The following AFG1L variants were observed in gnomAD, a reference collection of about 807,000 sequenced individuals.
AFG1L encodes AFG1 like ATPase, also known as AFG1-like ATPase.
A neutral mutation model predicts 62.2 loss-of-function variants in AFG1L; 53 were observed. That is an observed-to-expected ratio of 0.85 (90% CI 0.68 to 1.07). The LOEUF (loss-of-function observed/expected upper bound fraction) is 1.07, where lower values mean the gene tolerates loss of function less well. Among genes scored for constraint, AFG1L ranks in the 50% least tolerant of loss-of-function variants. AFG1L has a pLI of 0.00. For synonymous variants in AFG1L, 228 were observed against 210.3 expected, an observed-to-expected ratio of 1.08 and a Z score of -0.73; for missense variants, 555 against 590.5, an observed-to-expected ratio of 0.94 and a Z score of 0.62.
intron 1 of AFG1L, among the ~76,000 whole-genome samples, chr6:108,296,570 TAGA>T (rs1043629329): frequency 6.6e-6 from 1 of 152,322 alleles, no homozygotes; most frequent in East Asian, 1.9e-4. Context: ...ATTAAAAAAA[TAGA>T]AGTAGTAACA....
intron 6 of AFG1L, among the ~76,000 whole-genome samples, chr6:108,371,311 T>C (rs1779993043): frequency 6.6e-6 from 1 of 152,138 alleles, no homozygotes; most frequent in Non-Finnish European, 1.5e-5. Context: ...GTGTAATGGC[T>C]CATGCTTACA....
chr6:108,340,729 G>T (rs1778650179), intron 2 of AFG1L, among the ~76,000 whole-genome samples: 2 of 152,114 alleles, frequency 1.3e-5, no homozygotes, highest in African/African-American at 2.4e-5. Context: ...GGTAGATGGG[G>T]TATAAAATCA....
intron 6 of AFG1L, among the ~76,000 whole-genome samples, chr6:108,389,132 T>C (rs1486749630): frequency 6.6e-6 from 1 of 152,240 alleles, no homozygotes; most frequent in Admixed American, 6.5e-5. Context: ...CATTATGTAA[T>C]GGCCTTCTTT....
intron 6 of AFG1L, among the ~76,000 whole-genome samples, chr6:108,383,683 A>G (rs1294643686): frequency 6.6e-6 from 1 of 152,192 alleles, no homozygotes; most frequent in African/African-American, 2.4e-5. Context: ...GGGAGAGTTT[A>G]CAGATCTTGA....
At chr6:108,295,544 C>T (rs1022429587) in intron 1 of AFG1L, among the ~76,000 whole-genome samples, 1 of 152,042 alleles carries the variant, frequency 6.6e-6, no homozygotes, top group Admixed American at 6.6e-5. Context: ...CTGGGGACCC[C>T]TACCCTCTGC....
At chr6:108,513,285 G>A (rs1045629129) in intron 11 of AFG1L, among the ~76,000 whole-genome samples, 4 of 152,194 alleles carry the variant, frequency 2.6e-5, no homozygotes, top group South Asian at 2.1e-4. Context: ...TGGGTGCAGC[G>A]CACCGAGCAT....
chr6:108,369,691 C>T (rs572805670), intron 6 of AFG1L, among the ~76,000 whole-genome samples: 5 of 152,152 alleles, frequency 3.3e-5, no homozygotes, highest in South Asian at 2.1e-4. Flanking sequence ...TAACTGCAAC[C>T]TCTGCCTCCT....
Position 108,319,399 on chromosome 6 carries a change from A to G in AFG1L, c.140-4426A>G, listed in dbSNP as rs534745462. Among the ~76,000 whole-genome samples, 346 of 151,946 alleles carry G rather than the reference A, an allele frequency of 2.3e-3. 3 individuals carry two copies. The highest frequency in any genetic ancestry group is 8.0e-3 in the African/African-American group (330 of 41,430). ...ATAGTTCCTAGTAGTAGTAATCCCT[A>G]TAGGACTAGAGGCATATACCATTAT... On this transcript the variant is annotated intron_variant, in intron 1 of 12. Transcript: ENST00000368977.
intron 7 of AFG1L, among the ~76,000 whole-genome samples, chr6:108,427,670 C>T (rs1027169365): frequency 3.9e-5 from 6 of 151,934 alleles, no homozygotes; most frequent in African/African-American, 9.6e-5. Flanking sequence ...TACAGGTGAA[C>T]GCCACCATAC....
chr6:108,497,168 G>A (rs1774001898), intron 10 of AFG1L, among the ~76,000 whole-genome samples: 1 of 152,058 alleles, frequency 6.6e-6, no homozygotes, highest in Admixed American at 6.6e-5. Flanking sequence ...CCATCAAACT[G>A]TTTTCAGGAA....
chr6:108,383,571 A>G (rs1780637268), intron 6 of AFG1L, among the ~76,000 whole-genome samples: 1 of 152,164 alleles, frequency 6.6e-6, no homozygotes, highest in Non-Finnish European at 1.5e-5. Flanking sequence ...ATGTAGGAAA[A>G]CTAACATAAG....
chr6:108,302,481 C>T (rs774656617), intron 1 of AFG1L, among the ~76,000 whole-genome samples: 18 of 151,064 alleles, frequency 1.2e-4, no homozygotes, highest in African/African-American at 3.9e-4. Flanking sequence ...TTTTTAAAGC[C>T]GAGCCCAGCC....
At chr6:108,449,193 A>G (rs1771947372) in intron 8 of AFG1L, among the ~76,000 whole-genome samples, 1 of 151,464 alleles carries the variant, frequency 6.6e-6, no homozygotes, top group Admixed American at 6.6e-5. Flanking sequence ...ATACATATAC[A>G]CTTACATATA....
intron 7 of AFG1L, among the ~76,000 whole-genome samples, chr6:108,404,550 A>T (rs771820730): frequency 9.9e-5 from 15 of 152,002 alleles, no homozygotes; most frequent in Non-Finnish European, 1.9e-4. Context: ...TTTGTTAATT[A>T]TGCTGTTCAA....
chr6:108,422,354 A>G (rs144864352), intron 7 of AFG1L, among the ~76,000 whole-genome samples: 24 of 151,760 alleles, frequency 1.6e-4, no homozygotes, highest in Non-Finnish European at 3.1e-4. Flanking sequence ...CATTGCATTT[A>G]TTTTGAAATT....
chr6:108,487,425 C>G (rs901407294), intron 10 of AFG1L, among the ~76,000 whole-genome samples: 9 of 152,260 alleles, frequency 5.9e-5, no homozygotes, highest in African/African-American at 2.2e-4. Context: ...AGGCAGATCA[C>G]TTAACCACTT....
intron 8 of AFG1L, among the ~76,000 whole-genome samples, chr6:108,452,953 C>G (rs775917360): frequency 2.0e-5 from 3 of 152,196 alleles, no homozygotes; most frequent in African/African-American, 4.8e-5. Context: ...GCTCACTACA[C>G]ACACAACCTT....
At chr6:108,397,133 A>G (rs1357010805) in intron 6 of AFG1L, among the ~76,000 whole-genome samples, 1 of 151,950 alleles carries the variant, frequency 6.6e-6, no homozygotes, top group East Asian at 1.9e-4. Context: ...GGTTCAAGCA[A>G]TTCTCCTGCC....
chr6:108,298,258 G>T (rs967921862), intron 1 of AFG1L, among the ~76,000 whole-genome samples: 3 of 140,102 alleles, frequency 2.1e-5, no homozygotes, highest in African/African-American at 8.1e-5. Flanking sequence ...GAGAGGGGAA[G>T]AATTTTTTTT....
Sources: gnomAD v4.1 joint callset for allele counts (sites outside exome capture counted in the v4.1 genomes callset) on GRCh38, gnomAD v4.1.1 for gene constraint, MANE v1.5 for transcripts, NCBI Gene and HGNC (gene_info 2026-07-23, HGNC 2026-07-21) for gene names.